The following RBFOX1 variants were observed in gnomAD, a reference collection of about 807,000 sequenced individuals.
RBFOX1 encodes RNA binding fox-1 homolog 1, also known as RNA binding protein fox-1 homolog 1.
Under a neutral mutation model 57.7 loss-of-function variants are expected in RBFOX1, and 8 were observed. The ratio of observed to expected loss-of-function variants is 0.14; its 90% CI spans 0.08 to 0.25. The LOEUF is 0.25. RBFOX1 is among the 10% of genes least tolerant of loss of function. The probability of loss-of-function intolerance (pLI) is 1.00; values close to 1 mark genes in which losing one functional copy is unlikely to be tolerated. For missense variants in RBFOX1, 611 were observed against 548.5 expected (o/e 1.11, Z -1.14); for synonymous variants, 326 against 222.4 (o/e 1.47, Z -4.15).
intron 2 of RBFOX1, among the ~76,000 whole-genome samples, chr16:6,388,451 T>A (rs992895407): frequency 6.6e-6 from 1 of 152,030 alleles, no homozygotes; most frequent in African/African-American, 2.4e-5. Flanking sequence ...ATTTAAAACA[T>A]GTGTTTGTTT....
At chr16:7,267,517 C>T (rs980049654) in intron 4 of RBFOX1, among the ~76,000 whole-genome samples, 1 of 151,882 alleles carries the variant, frequency 6.6e-6, no homozygotes, top group Non-Finnish European at 1.5e-5. Context: ...GCCTGGGCAA[C>T]AGAGTGAGAC....
chr16:7,094,744 CTGTGTGTGTGTG>C (rs370249382), intron 4 of RBFOX1, among the ~76,000 whole-genome samples: 8 of 139,352 alleles, frequency 5.7e-5, no homozygotes, highest in African/African-American at 7.9e-5. Flanking sequence ...GACTGTACAG[CTGTGTGTGTGTG>C]TGTGTGTGTG....
intron 3 of RBFOX1, among the ~76,000 whole-genome samples, chr16:6,741,422 G>C (rs554249385): frequency 6.6e-6 from 1 of 152,178 alleles, no homozygotes; most frequent in East Asian, 1.9e-4. Flanking sequence ...CAGCACTTTG[G>C]GAGGCTGATA....
At chr16:7,453,343 A>G (rs897299940) in intron 4 of RBFOX1, among the ~76,000 whole-genome samples, 12 of 152,044 alleles carry the variant, frequency 7.9e-5, no homozygotes, top group African/African-American at 2.7e-4. Context: ...GGAAGAGATC[A>G]TTGTCCTCAT....
At chr16:6,480,405 A>G (rs974124388) in intron 2 of RBFOX1, among the ~76,000 whole-genome samples, 13 of 152,362 alleles carry the variant, frequency 8.5e-5, no homozygotes, top group Admixed American at 3.9e-4. Flanking sequence ...GTAGCAACCC[A>G]TAAACAAATG....
In RBFOX1 at chr16:7,295,084, G is replaced by C. The variant is rs183570461; in HGVS notation, c.28-223063G>C. Among the ~76,000 whole-genome samples the C allele has an allele frequency of 7.3e-4, 111 of 152,294 alleles. 1 individual carries two copies. The highest frequency in any genetic ancestry group is 2.6e-3 in the African/African-American group (108 of 41,562). On this transcript the variant is annotated intron_variant, in intron 4 of 15. Coordinates refer to ENST00000550418, the MANE Select transcript of RBFOX1 (RefSeq NM_018723.4). ...TACGCTTGTCAGTCTTCACAAAATAGTGAAGGACTTGACCTGATGTTGTGT... is the reference window on the plus strand; with the variant it reads ...TACGCTTGTCAGTCTTCACAAAATACTGAAGGACTTGACCTGATGTTGTGT...
chr16:7,508,866 C>A (rs573124057), intron 4 of RBFOX1, among the ~76,000 whole-genome samples: 1 of 152,322 alleles, frequency 6.6e-6, no homozygotes, highest in South Asian at 2.1e-4. Context: ...GAAGATCTCT[C>A]TTTCCATAGC....
chr16:5,983,284 T>TTG (rs1407521252), intron 4 of RBFOX1, among the ~76,000 whole-genome samples: 1 of 152,206 alleles, frequency 6.6e-6, no homozygotes, highest in Non-Finnish European at 1.5e-5. Flanking sequence ...AGGGTGGCAC[T>TTG]TGAGTCGTTT....
At position 6,526,857 on chromosome 16, in the gene RBFOX1, A is replaced by AAAAAAAAAAAAAC. The variant is rs1567560941; in HGVS notation, c.-63-127744_-63-127743insAAAAAAAAAACAA. Among the ~76,000 whole-genome samples the AAAAAAAAAAAAAC allele has an allele frequency of 3.1e-4, 40 of 130,418 alleles. 1 individual carries two copies. The highest frequency in any genetic ancestry group is 1.3e-3 in the African/African-American group (37 of 27,482). 85.6% of individuals were successfully genotyped at this position (130,418 alleles called of 152,430 possible). ...AAAAAAAAAAAAAAAAAAAAAAAAA[A>AAAAAAAAAAAAAC]AACAACCAGAAAAACAGAAATACTC... On this transcript the variant is annotated intron_variant, in intron 2 of 15. Coordinates refer to ENST00000550418, the MANE Select transcript of RBFOX1 (RefSeq NM_018723.4).
intron 5 of RBFOX1, among the ~76,000 whole-genome samples, chr16:7,560,248 G>A (rs376204344): frequency 6.6e-6 from 1 of 152,158 alleles, no homozygotes; most frequent in Non-Finnish European, 1.5e-5. Flanking sequence ...ACCCCCTATG[G>A]GGGGTGGACT....
intron 3 of RBFOX1, among the ~76,000 whole-genome samples, chr16:6,937,063 G>C (rs528028039): frequency 6.6e-6 from 1 of 151,774 alleles, no homozygotes; most frequent in Admixed American, 6.6e-5. Context: ...TGCACAATGT[G>C]CACATGTACC....
At chr16:7,148,096 C>T (rs115013059) in intron 4 of RBFOX1, among the ~76,000 whole-genome samples, 519 of 152,220 alleles carry the variant, frequency 3.4e-3, no homozygotes, top group African/African-American at 0.012. Context: ...TAGTCACAGC[C>T]AATCTCTAGG....
chr16:5,261,481 C>T (rs1265349400), intron 1 of RBFOX1, among the ~76,000 whole-genome samples: 1 of 149,586 alleles, frequency 6.7e-6, no homozygotes, highest in Non-Finnish European at 1.5e-5. Context: ...CTATAAAATT[C>T]TTGGATTATA....
intron 15 of RBFOX1, chr16:7,710,359 T>C (rs149759533): frequency 4.7e-4 from 613 of 1,296,808 alleles, no homozygotes; most frequent in Non-Finnish European, 5.8e-4. Flanking sequence ...AATCCTTCCA[T>C]TGTCCAGCTT....
At chr16:5,329,552 C>T (rs560318024) in intron 1 of RBFOX1, among the ~76,000 whole-genome samples, 1 of 152,296 alleles carries the variant, frequency 6.6e-6, no homozygotes, top group South Asian at 2.1e-4. Flanking sequence ...AGACCCGAAC[C>T]ATATCAAAAA....
At chr16:5,813,919 A>G (rs77738131) in intron 3 of RBFOX1, among the ~76,000 whole-genome samples, 2,851 of 152,320 alleles carry the variant, frequency 0.019, 107 homozygotes, top group African/African-American at 0.065. Flanking sequence ...AAATTTTAGG[A>G]TTGGCTTATC....
chr16:7,091,622 C>G (rs2060872348), intron 4 of RBFOX1, among the ~76,000 whole-genome samples: 1 of 152,168 alleles, frequency 6.6e-6, no homozygotes, highest in Non-Finnish European at 1.5e-5. Context: ...GGCAGAAACT[C>G]CACCACCCAG....
chr16:5,579,220 T>A (rs934215850), intron 2 of RBFOX1, among the ~76,000 whole-genome samples: 5 of 152,016 alleles, frequency 3.3e-5, no homozygotes, highest in African/African-American at 9.7e-5. Context: ...TCCACTAGGA[T>A]CGCCAGGCTC....
At chr16:6,977,170 A>G (rs962471769) in intron 3 of RBFOX1, among the ~76,000 whole-genome samples, 1 of 145,802 alleles carries the variant, frequency 6.9e-6, no homozygotes, top group African/African-American at 2.5e-5. Flanking sequence ...ATATATTATC[A>G]TATATAGATC....
Sources: allele counts gnomAD v4.1 joint callset (sites outside exome capture counted in the v4.1 genomes callset), GRCh38; gene constraint gnomAD v4.1.1; transcripts MANE v1.5; gene names NCBI Gene and HGNC (gene_info 2026-07-23, HGNC 2026-07-21).